Variants in GGA1 observed in about 807,000 individuals in gnomAD.
GGA1 encodes the protein golgi associated, gamma adaptin ear containing, ARF binding protein 1.
A neutral mutation model predicts 76.9 loss-of-function variants in GGA1; 18 were observed. The ratio of observed to expected loss-of-function variants is 0.23; its 90% confidence interval spans 0.16 to 0.35. The LOEUF is 0.35. Among genes scored for constraint, GGA1 ranks in the 10% least tolerant of loss-of-function variants. GGA1 has a pLI of 1.00. For synonymous variants in GGA1, 342 were observed against 354.7 expected, an observed-to-expected ratio of 0.96 and a Z score of 0.40; for missense variants, 755 against 859.0, an observed-to-expected ratio of 0.88 and a Z score of 1.51.
chr22:37,620,260 A>G lies in GGA1; in HGVS notation c.326A>G (p.Glu109Gly). ...AAGTATCTGGGCTCTCGGACATCGG[A>G]GAAGGTGAAGAACAAGATCTTGGAG... Reference protein sequence around the residue: ...SPKYLGSRTSEKVKNKILELL... With the variant: ...SPKYLGSRTSGKVKNKILELL... Residue 109 changes from glutamate to glycine, a missense_variant, in exon 5 of 17, where the codon GAG (glutamate) becomes GGG (glycine). By Grantham distance (98) the Glu-to-Gly change is moderately conservative. Transcript: ENST00000343632. The G allele has an allele frequency of 6.2e-7, 1 of 1,613,824 alleles. No individual in the cohort carries two copies.
intron 4 of GGA1, 111 bp downstream of exon 4, chr22:37,618,657 C>G (rs1929267942): frequency 1.5e-6 from 1 of 655,586 alleles, no homozygotes; most frequent in Admixed American, 2.2e-5. Context: ...TGGGGTGTCA[C>G]CTCAGCCCCC....
At chr22:37,631,187 A>T (rs1931747397) in intron 14 of GGA1, 88 bp downstream of exon 14, 1 of 1,125,674 alleles carries the variant, frequency 8.9e-7, no homozygotes, top group South Asian at 1.6e-5. Flanking sequence ...GTGGGAAAGC[A>T]GGGCTCCCCT....
intron 1 of GGA1, chr22:37,613,942 G>T (rs1928243435): frequency 4.2e-6 from 2 of 481,378 alleles, no homozygotes; most frequent in Non-Finnish European, 7.7e-6. Context: ...GGAGGAGTGG[G>T]GAGGAGGGGA....
chr22:37,620,360 G>A lies in GGA1; in HGVS notation c.426G>A (p.Gln142=). The change falls in exon 5 of 17, where the codon CAG becomes CAA. Residue 142 remains glutamine, a splice_region_variant and synonymous_variant. Transcript: ENST00000343632. ...AGGCCTACCAGATGCTAAAGAAGCA[G>A]GGTGAGGCACACAGAGGGTGGGGGG... ...IAEAYQMLKK[Q]GIVKSDPKLP... 1 of 1,614,020 alleles carries A rather than the reference G, an allele frequency of 6.2e-7. No homozygotes were observed. Among genetic ancestry groups the A allele is most frequent in the Non-Finnish European group, 8.5e-7 (1 of 1,179,988 alleles).
At position 37,623,593 on chromosome 22, in the gene GGA1, C is replaced by A. The variant is rs1419222376; in HGVS notation, c.792C>A (p.Phe264Leu). ...GTGAGCGGATGCGGCCCACGCTCTT[C>A]CGACTGGCGAGTGACACAGAGGACA... ...QRCERMRPTL[F>L]RLASDTEDND... The change falls in exon 9 of 17, where the codon TTC becomes TTA. Residue 264 changes from phenylalanine (F) to leucine (L), a missense_variant. Coordinates refer to ENST00000343632, the MANE Select transcript of GGA1 (RefSeq NM_013365.5). This position sits in a 1 kb window ranked among gnomAD's most constrained non-coding sequence, Gnocchi z 4.6. The A allele has an allele frequency of 6.2e-7, 1 of 1,603,726 alleles. No homozygotes were observed. The highest frequency in any genetic ancestry group is 1.7e-5 in the Admixed American group (1 of 57,562).
Position 37,614,245 on chromosome 22 carries a change from C to T in GGA1, c.99C>T (p.Phe33=), listed in dbSNP as rs763929237. The T allele has an allele frequency of 6.2e-7, 1 of 1,613,866 alleles. No homozygotes were observed. Among genetic ancestry groups the T allele is most frequent in the South Asian group, 1.1e-5 (1 of 91,076 alleles). The change falls in exon 2 of 17, where the codon TTC becomes TTT. Residue 33 remains phenylalanine (F), a synonymous_variant. Transcript: ENST00000343632. ...KELDWASING[F]CEQLNEDFEG... ...TCGACTGGGCCAGCATCAACGGCTTCTGCGAGCAGCTCAACGAGGACTTTG... is the reference window on the plus strand; with the variant it reads ...TCGACTGGGCCAGCATCAACGGCTTTTGCGAGCAGCTCAACGAGGACTTTG...
At chr22:37,627,271 C>T (rs1015878707) in intron 11 of GGA1, 3 of 152,264 alleles carry the variant, frequency 2.0e-5, no homozygotes, top group African/African-American at 7.2e-5. Context: ...AGCAGCTGGG[C>T]TGCTCTGACT....
chr22:37,610,777 T>C (rs958303375), intron 1 of GGA1: 1 of 152,352 alleles, frequency 6.6e-6, no homozygotes, highest in South Asian at 2.1e-4. Context: ...CCTCCCTCTC[T>C]AGGTGTTCTC....
chr22:37,609,042 T>G, intron 1 of GGA1, 139 bp downstream of exon 1: 8 of 1,449,820 alleles, frequency 5.5e-6, no homozygotes, highest in Non-Finnish European at 7.2e-6. Context: ...GTGTCCTCAG[T>G]CGGCCCCTCA....
At chr22:37,622,529 C>T (rs1048162851) in intron 7 of GGA1, among the ~76,000 whole-genome samples, 1 of 152,076 alleles carries the variant, frequency 6.6e-6, no homozygotes, top group Non-Finnish European at 1.5e-5. Flanking sequence ...GCGATCCTCC[C>T]ACCTCAACCT....
intron 5 of GGA1, 31 bp downstream of exon 5, chr22:37,620,392 G>A: frequency 6.2e-7 from 1 of 1,612,588 alleles, no homozygotes. Flanking sequence ...GGGGCGACCA[G>A]GGCCTGCCTT....
At chr22:37,627,611 C>T (rs921658578) in intron 11 of GGA1, among the ~76,000 whole-genome samples, 1 of 152,188 alleles carries the variant, frequency 6.6e-6, no homozygotes, top group Non-Finnish European at 1.5e-5. Flanking sequence ...TGGGGAAGTA[C>T]TGCAGGGCCA....
intron 11 of GGA1, among the ~76,000 whole-genome samples, chr22:37,628,569 C>T (rs1931249947): frequency 6.6e-6 from 1 of 152,204 alleles, no homozygotes. Context: ...TCACCCCTAC[C>T]TTTGAAGGTT....
Position 37,629,643 on chromosome 22 carries a change from AG to A in GGA1, c.1158+122del, listed in dbSNP as rs982578544. On this transcript the variant is annotated intron_variant, in intron 12 of 16. Transcript: ENST00000343632. ...GGGCTCTACTCAAGAGCCCAGGGCCAGGGGGTGGCCCAGGGGCCTGGAGACA... is the reference window on the plus strand; with the variant it reads ...GGGCTCTACTCAAGAGCCCAGGGCCAGGGGTGGCCCAGGGGCCTGGAGACA... 1.0e-5 allele frequency: 7 copies of A among 672,566 alleles called. No individual in the cohort carries two copies. In the Admixed American group the frequency reaches 1.7e-4, roughly 16 times the overall value. The allele number at this position is 672,566 out of a possible 1,614,324, so 41.7% of individuals were successfully genotyped here. A position where few individuals can be genotyped will look rare whatever the true frequency, so the allele number is the denominator to read the frequency against.
intron 3 of GGA1, chr22:37,617,542 T>G (rs976843493): frequency 1.0e-6 from 1 of 988,382 alleles, no homozygotes; most frequent in East Asian, 1.1e-4. Flanking sequence ...CTTTTAATAC[T>G]TACGTGTTTA....
chr22:37,609,219 T>G, intron 1 of GGA1: 2 of 1,244,204 alleles, frequency 1.6e-6, no homozygotes, highest in Non-Finnish European at 2.0e-6. Flanking sequence ...CTCACATTGC[T>G]TCACGGAGTA....
intron 1 of GGA1, chr22:37,612,760 T>C (rs1927968839): frequency 4.3e-6 from 1 of 233,210 alleles, no homozygotes; most frequent in Non-Finnish European, 6.9e-6. Context: ...GGCAACAGCG[T>C]GAGACTCGTC....
At chr22:37,631,504 C>G (rs1444097294) in intron 14 of GGA1, among the ~76,000 whole-genome samples, 1 of 152,166 alleles carries the variant, frequency 6.6e-6, no homozygotes, top group East Asian at 1.9e-4. Context: ...CCCCGGGCCC[C>G]AAGCAGACAC....
intron 1 of GGA1, 59 bp downstream of exon 1, chr22:37,608,962 G>A (rs980132004): frequency 3.1e-5 from 42 of 1,335,298 alleles, no homozygotes; most frequent in Non-Finnish European, 3.8e-5. Flanking sequence ...CACGAGGCGG[G>A]CCCCTTCCCG....
Sources: allele counts gnomAD v4.1 joint callset (sites outside exome capture counted in the v4.1 genomes callset), GRCh38; gene constraint gnomAD v4.1.1; non-coding constraint Gnocchi (gnomAD v3.1); transcripts MANE v1.5; gene names NCBI Gene and HGNC (gene_info 2026-07-23, HGNC 2026-07-21).